Variants in GARNL3 observed in about 807,000 individuals in gnomAD.
The protein encoded by GARNL3 is GTPase-activating Rap/Ran-GAP domain-like protein 3.
A neutral mutation model predicts 125.0 loss-of-function variants in GARNL3; 63 were observed. The observed-to-expected ratio is 0.50, with a 90% CI of 0.41 to 0.62. GARNL3 has a LOEUF of 0.62. Ranked by LOEUF, GARNL3 falls within the 20% of genes least tolerant of loss-of-function variation. The pLI is 0.00. For synonymous variants in GARNL3, 439 were observed against 457.5 expected (o/e 0.96, Z 0.52); for missense variants, 994 against 1,244.0 (o/e 0.80, Z 3.02).
chr9:127,335,839 A>G (rs564201174), intron 10 of GARNL3, among the ~76,000 whole-genome samples: 52 of 152,232 alleles, frequency 3.4e-4, no homozygotes, highest in African/African-American at 1.3e-3. Flanking sequence ...CACTGCAGGA[A>G]GTTAACACTG....
At chr9:127,282,162 T>C (rs759569134) in intron 1 of GARNL3, among the ~76,000 whole-genome samples, 1 of 152,182 alleles carries the variant, frequency 6.6e-6, no homozygotes, top group Non-Finnish European at 1.5e-5. Context: ...GCAGGGATCA[T>C]GTTGGATTTA....
intron 7 of GARNL3, among the ~76,000 whole-genome samples, chr9:127,325,793 G>A (rs887015717): frequency 3.3e-5 from 5 of 152,074 alleles, no homozygotes; most frequent in African/African-American, 9.7e-5. Context: ...ATCCTCTCTT[G>A]CCTGGGCTCT....
intron 17 of GARNL3, 176 bp from the exon 18 acceptor site, chr9:127,353,670 G>C: frequency 1.6e-6 from 1 of 628,698 alleles, no homozygotes; most frequent in Non-Finnish European, 2.9e-6. Context: ...TTCTTCCTGA[G>C]CTAGGAGGAG....
chr9:127,379,826 A>C (rs960948570), intron 22 of GARNL3, among the ~76,000 whole-genome samples: 3 of 152,234 alleles, frequency 2.0e-5, no homozygotes, highest in Non-Finnish European at 4.4e-5. Context: ...GTTTTTCTTT[A>C]TAACATTTAT....
Position 127,389,110 on chromosome 9 carries a change from G to C in GARNL3, c.2734G>C (p.Glu912Gln). Residue 912 changes from glutamate (E) to glutamine (Q), a missense_variant, in exon 26 of 28, where the codon GAA (glutamate) becomes CAA (glutamine). Glu to Gln is a conservative substitution (Grantham distance 29, BLOSUM62 2). Transcript: ENST00000373387. ...IKEIASRTRR[E>Q]LLGLSDEGGP... ...AGAAATAGCAAGCAGGACCCGCAGG[G>C]AACTACTGGGTAATGGTTCTCAATC... is the stretch of plus-strand genomic sequence containing the variant. 6.2e-7 allele frequency: 1 copy of C among 1,612,424 alleles called. No homozygotes were observed.
intron 7 of GARNL3, among the ~76,000 whole-genome samples, chr9:127,326,525 A>G (rs2065577780): frequency 6.6e-6 from 1 of 152,222 alleles, no homozygotes; most frequent in Non-Finnish European, 1.5e-5. Context: ...TGATTATTAC[A>G]CATTGCATGC....
Position 127,286,949 on chromosome 9 carries a change from A to C in GARNL3, c.145-4219A>C, listed in dbSNP as rs142873952. On this transcript the variant is annotated intron_variant, in intron 1 of 27. Coordinates refer to ENST00000373387, the MANE Select transcript of GARNL3 (RefSeq NM_032293.5). ...TCTAAGTGGGTGGTGGGTCTGCACCACACATTCAGGCTCAAGAAAATCTGC... is the reference window on the plus strand; with the variant it reads ...TCTAAGTGGGTGGTGGGTCTGCACCCCACATTCAGGCTCAAGAAAATCTGC... Among the ~76,000 whole-genome samples, 198 of 152,260 alleles carry C rather than the reference A, an allele frequency of 1.3e-3. 5 individuals are homozygous for C. The East Asian group carries it at 0.037, about 28-fold the overall frequency.
In GARNL3 at chr9:127,393,108, G is replaced by T; in HGVS notation, c.2896G>T (p.Ala966Ser). 1 of 1,606,232 alleles carries T rather than the reference G, an allele frequency of 6.2e-7. No individual in the cohort carries two copies. Among genetic ancestry groups the T allele is most frequent in the Non-Finnish European group, 8.5e-7 (1 of 1,173,424 alleles). ...GATCCCATCAGGCTCCTTGGAAAGT[G>T]CTTCTACTTCCGAAGCCAACCCTGA... is the stretch of plus-strand genomic sequence containing the variant. ...DRIPSGSLES[A>S]STSEANPEGH... Residue 966 changes from alanine (A) to serine (S), a missense_variant, in exon 28 of 28, where the codon GCT becomes TCT. Ala to Ser is a moderately conservative substitution (Grantham distance 99, BLOSUM62 1). Transcript: ENST00000373387.
At chr9:127,285,188 T>C (rs2064212648) in intron 1 of GARNL3, among the ~76,000 whole-genome samples, 1 of 152,228 alleles carries the variant, frequency 6.6e-6, no homozygotes, top group Admixed American at 6.5e-5. Context: ...CCTCGGCACT[T>C]TGGGAGGCCG....
intron 7 of GARNL3, among the ~76,000 whole-genome samples, chr9:127,326,702 C>T (rs2065583736): frequency 6.6e-6 from 1 of 152,076 alleles, no homozygotes; most frequent in Non-Finnish European, 1.5e-5. Context: ...TATGTTAAAG[C>T]CTGCCTACCA....
At chr9:127,332,736 C>T (rs141020763) in intron 8 of GARNL3, among the ~76,000 whole-genome samples, 7 of 152,258 alleles carry the variant, frequency 4.6e-5, no homozygotes, top group East Asian at 1.9e-4. Flanking sequence ...TTATTCTGAA[C>T]GCAAGCAGTA....
At chr9:127,388,525 C>T in intron 25 of GARNL3, 1 of 282,462 alleles carries the variant, frequency 3.5e-6, no homozygotes, top group South Asian at 3.6e-5. Flanking sequence ...GAGGCCTCTG[C>T]TGTGGTTACC....
chr9:127,332,491 G>T (rs763947479), intron 8 of GARNL3, 142 bp downstream of exon 8: 1 of 694,874 alleles, frequency 1.4e-6, no homozygotes, highest in Non-Finnish European at 2.5e-6. Flanking sequence ...CGTGAATTTT[G>T]TAGGGCAGTT....
chr9:127,263,675 A>C (rs1173609478), upstream of GARNL3: 1 of 1,094,636 alleles, frequency 9.1e-7, no homozygotes, highest in Non-Finnish European at 1.1e-6. Flanking sequence ...AGAAGCAAGA[A>C]TGTAGCCTGG....
intron 21 of GARNL3, among the ~76,000 whole-genome samples, chr9:127,361,468 G>T (rs1830994468): frequency 6.6e-6 from 1 of 152,068 alleles, no homozygotes; most frequent in Admixed American, 6.5e-5. Flanking sequence ...TCCTACAACA[G>T]ACCTGCCATA....
chr9:127,250,901 G>C (rs1164454271), intron 2 of GARNL3, among the ~76,000 whole-genome samples: 1 of 152,042 alleles, frequency 6.6e-6, no homozygotes, highest in East Asian at 1.9e-4. Context: ...TCACTGTTGA[G>C]CTCAGCATCC....
At chr9:127,263,931 T>C (rs761972000), upstream of GARNL3, 610 of 1,503,498 alleles carry the variant, frequency 4.1e-4, 3 homozygotes, top group Non-Finnish European at 4.7e-4. Context: ...AGAGTCAGTC[T>C]CTTTCTGCAT....
chr9:127,321,574 T>C (rs888895080), intron 6 of GARNL3, among the ~76,000 whole-genome samples: 3 of 152,136 alleles, frequency 2.0e-5, no homozygotes, highest in Admixed American at 2.0e-4. Flanking sequence ...GGGAAAACAA[T>C]CTGCCTTAGG....
rs765156521 is a variant in GARNL3, at chr9:127,387,199, A to G, written c.2395A>G (p.Ile799Val). ...GCTCTCTCTTCCTTTCTAGTCGGAT[A>G]TATACTTCACAGCAACTGCAGCTGT... ...QLQLVASRSD[I>V]YFTATAAVNE... Residue 799 changes from isoleucine to valine, a missense_variant, in exon 25 of 28, where the codon ATA (isoleucine) becomes GTA (valine). Coordinates refer to ENST00000373387, the MANE Select transcript of GARNL3 (RefSeq NM_032293.5). The G allele has an allele frequency of 8.7e-5, 140 of 1,613,192 alleles. No individual in the cohort carries two copies. Among genetic ancestry groups the G allele is most frequent in the Middle Eastern group, 6.6e-4 (4 of 6,036 alleles).
Sources: gnomAD v4.1 joint callset for allele counts (sites outside exome capture counted in the v4.1 genomes callset) on GRCh38, gnomAD v4.1.1 for gene constraint, MANE v1.5 for transcripts, NCBI Gene and HGNC (gene_info 2026-07-23, HGNC 2026-07-21) for gene names.